SLCO5A1: variants seen among roughly 807,000 people sequenced by gnomAD.
SLCO5A1 encodes the protein organic anion transporter polypeptide-related protein 4.
In SLCO5A1, 39 loss-of-function variants were observed where a neutral mutation model predicts 65.1. That is an observed-to-expected ratio of 0.60 (90% CI 0.46 to 0.78). SLCO5A1 has a LOEUF of 0.78. Ranked by LOEUF, SLCO5A1 falls within the 30% of genes least tolerant of loss-of-function variation. The pLI is 0.00. For synonymous variants in SLCO5A1, 438 were observed against 415.7 expected (o/e 1.05, Z -0.65); for missense variants, 1,029 against 1,069.4 (o/e 0.96, Z 0.53).
At position 69,695,387 on chromosome 8, in the gene SLCO5A1, C is replaced by T. The variant is rs566531978; in HGVS notation, c.1622+9644G>A. On this transcript the variant is annotated intron_variant, in intron 6 of 9. Coordinates refer to ENST00000260126, the MANE Select transcript of SLCO5A1 (RefSeq NM_030958.3). ...GGCGGGACCTGTAATCTCAGCTACT[C>T]AGGAGGCTGAGGCAGGGATAATTGC... Among the ~76,000 whole-genome samples the T allele has an allele frequency of 1.6e-4, 25 of 152,114 alleles. No homozygotes were observed. The South Asian group carries it at 4.2e-3, about 25-fold the overall frequency.
At position 69,696,779 on chromosome 8, in the gene SLCO5A1, C is replaced by A. The variant is rs577644868; in HGVS notation, c.1622+8252G>T. 3.9e-5 allele frequency among the ~76,000 whole-genome samples: 6 copies of A among 151,928 alleles called. No individual in the cohort carries two copies. The South Asian group carries it at 1.2e-3, about 32-fold the overall frequency. ...AATGATAAAATGCAAGGCATAAAAA[C>A]AAAGTTAAAAGAAAGATCCTAATTA... On this transcript the variant is annotated intron_variant, in intron 6 of 9. Coordinates refer to ENST00000260126, the MANE Select transcript of SLCO5A1 (RefSeq NM_030958.3).
chr8:69,813,596 C>G (rs924787764), intron 2 of SLCO5A1, among the ~76,000 whole-genome samples: 1 of 152,122 alleles, frequency 6.6e-6, no homozygotes, highest in African/African-American at 2.4e-5. Context: ...ACCTAACTCC[C>G]CAGGGACAGC....
chr8:69,748,662 A>G (rs931131153), intron 4 of SLCO5A1, among the ~76,000 whole-genome samples: 9 of 152,258 alleles, frequency 5.9e-5, no homozygotes, highest in Admixed American at 3.9e-4. Context: ...CATCATTATC[A>G]GAAACACAGA....
intron 2 of SLCO5A1, among the ~76,000 whole-genome samples, chr8:69,768,057 A>T (rs1378624413): frequency 4.0e-5 from 6 of 151,420 alleles, no homozygotes; most frequent in Non-Finnish European, 7.4e-5. Context: ...ACATGGCAAA[A>T]CTGCATCTCT....
rs1024338930 is a variant in SLCO5A1 at position 69,689,820 on chromosome 8, G to A, written c.1623-7477C>T. Reference sequence around the variant, plus strand: ...TGGCTTAGGATTGACTTGGTGATGCGGGCTCTTTTTTGGTTCTATATGAAC... The same window carrying A: ...TGGCTTAGGATTGACTTGGTGATGCAGGCTCTTTTTTGGTTCTATATGAAC... On this transcript the variant is annotated intron_variant, in intron 6 of 9. Coordinates refer to ENST00000260126, the MANE Select transcript of SLCO5A1 (RefSeq NM_030958.3). Among the ~76,000 whole-genome samples the A allele has an allele frequency of 3.1e-3, 477 of 151,760 alleles. 4 individuals carry two copies. Among genetic ancestry groups the A allele is most frequent in the African/African-American group, 8.1e-3 (335 of 41,170 alleles).
Position 69,680,256 on chromosome 8 carries a change from C to T in SLCO5A1, c.1783-637G>A, listed in dbSNP as rs575042562. Among the ~76,000 whole-genome samples, 3 of 152,250 alleles carry T rather than the reference C, an allele frequency of 2.0e-5. No individual in the cohort carries two copies. The East Asian group carries it at 5.8e-4, about 29-fold the overall frequency. The stretch of plus-strand genomic sequence containing the variant: ...ATCACCCAAATCATGAGCATAGTTC[C>T]CAACAGGTAGTTTTTCACACCTCCC... On this transcript the variant is annotated intron_variant, in intron 7 of 9. Transcript: ENST00000260126.
chr8:69,818,545 AC>A (rs1263608390), intron 2 of SLCO5A1, among the ~76,000 whole-genome samples: 1 of 152,024 alleles, frequency 6.6e-6, no homozygotes, highest in Non-Finnish European at 1.5e-5. Flanking sequence ...GATCAATAAA[AC>A]CCTATTTGAA....
At chr8:69,690,997 C>T (rs1221013404) in intron 6 of SLCO5A1, among the ~76,000 whole-genome samples, 1 of 152,150 alleles carries the variant, frequency 6.6e-6, no homozygotes, top group East Asian at 1.9e-4. Flanking sequence ...AGACATCAGA[C>T]TTAACCCCAT....
intron 2 of SLCO5A1, among the ~76,000 whole-genome samples, chr8:69,806,439 C>T (rs1293544562): frequency 3.9e-5 from 6 of 152,210 alleles, no homozygotes; most frequent in Non-Finnish European, 8.8e-5. Context: ...TAACACAGAG[C>T]ATGTGTATAT....
intron 7 of SLCO5A1, 24 bp downstream of exon 7, chr8:69,682,160 G>A (rs758332044): frequency 6.3e-7 from 1 of 1,593,836 alleles, no homozygotes; most frequent in African/African-American, 1.4e-5. Flanking sequence ...ACTAACAGAA[G>A]AGGAACTTGT....
In SLCO5A1 at chr8:69,668,511, G is replaced by A. The variant is rs1037083530; in HGVS notation, c.*4358C>T. 6.6e-5 allele frequency: 10 copies of A among 152,160 alleles called. No individual in the cohort carries two copies. Among genetic ancestry groups the A allele is most frequent in the Admixed American group, 2.0e-4 (3 of 15,262 alleles). The allele number at this position is 152,160 out of a possible 1,614,324, so 9.4% of individuals were successfully genotyped here. ...TGCTGTGTCATCTCTGATGTTTTAAGTACATACACGATCACAAAATATAAT... is the reference window on the plus strand; with the variant it reads ...TGCTGTGTCATCTCTGATGTTTTAAATACATACACGATCACAAAATATAAT... On this transcript the variant is annotated 3_prime_UTR_variant, in exon 10 of 10. Coordinates refer to ENST00000260126, the MANE Select transcript of SLCO5A1 (RefSeq NM_030958.3).
intron 2 of SLCO5A1, among the ~76,000 whole-genome samples, chr8:69,790,729 C>G (rs983456837): frequency 1.3e-5 from 2 of 152,056 alleles, no homozygotes; most frequent in African/African-American, 4.8e-5. Flanking sequence ...CGGTTTTAAA[C>G]TACAATGAAC....
chr8:69,735,432 A>G (rs556064285), intron 5 of SLCO5A1, among the ~76,000 whole-genome samples: 8 of 152,370 alleles, frequency 5.3e-5, no homozygotes, highest in Admixed American at 3.3e-4. Context: ...ATGCCCATCA[A>G]TGATAGACTG....
At chr8:69,754,004 C>CAAAA (rs71556780) in intron 4 of SLCO5A1, among the ~76,000 whole-genome samples, 7 of 73,468 alleles carry the variant, frequency 9.5e-5, no homozygotes, top group Admixed American at 3.4e-4. Flanking sequence ...TGACCTATCT[C>CAAAA]AAAAAAAAAA....
At chr8:69,703,044 G>A (rs1463551564) in intron 6 of SLCO5A1, among the ~76,000 whole-genome samples, 1 of 150,946 alleles carries the variant, frequency 6.6e-6, no homozygotes, top group Non-Finnish European at 1.5e-5. Context: ...CTGGGAGGTT[G>A]AGGCTGCAGT....
At chr8:69,713,259 A>T (rs1261862170) in intron 5 of SLCO5A1, 3 of 152,182 alleles carry the variant, frequency 2.0e-5, no homozygotes, top group Non-Finnish European at 4.4e-5. Context: ...CCATGTCCAA[A>T]GTTTTCTTAA....
chr8:69,720,614 C>T (rs1401485386), intron 5 of SLCO5A1, among the ~76,000 whole-genome samples: 1 of 152,116 alleles, frequency 6.6e-6, no homozygotes, highest in Non-Finnish European at 1.5e-5. Flanking sequence ...AAGTTTCAAC[C>T]CATTGGAACA....
At chr8:69,772,615 A>AAAGGAAAGGGAAGGGAAGGGAAGGG (rs1818373894) in intron 2 of SLCO5A1, among the ~76,000 whole-genome samples, 1 of 148,544 alleles carries the variant, frequency 6.7e-6, no homozygotes, top group African/African-American at 2.5e-5. Context: ...AAAGGAAAGG[A>AAAGGAAAGGGAAGGGAAGGGAAGGG]AAGGAAAGGA....
At chr8:69,711,402 G>A (rs1291310860) in intron 5 of SLCO5A1, among the ~76,000 whole-genome samples, 1 of 152,140 alleles carries the variant, frequency 6.6e-6, no homozygotes, top group Non-Finnish European at 1.5e-5. Context: ...CTGCTCCAGC[G>A]CCCTCTAATG....
Sources: allele counts gnomAD v4.1 joint callset (sites outside exome capture counted in the v4.1 genomes callset), GRCh38; gene constraint gnomAD v4.1.1; transcripts MANE v1.5; gene names NCBI Gene and HGNC (gene_info 2026-07-23, HGNC 2026-07-21).